FILIP1: variants seen among roughly 807,000 people sequenced by gnomAD.
FILIP1 encodes the protein filamin A interacting protein 1.
Under a neutral mutation model 102.1 loss-of-function variants are expected in FILIP1, and 61 were observed. That is an observed-to-expected ratio of 0.60 (90% CI 0.49 to 0.74). The LOEUF is 0.74. Among genes scored for constraint, FILIP1 ranks in the 30% least tolerant of loss-of-function variants. FILIP1 has a pLI of 0.00. For missense variants in FILIP1, 1,314 were observed against 1,441.2 expected (o/e 0.91, Z 1.43); for synonymous variants, 491 against 526.9 (o/e 0.93, Z 0.93).
chr6:75,427,903 T>C (rs906002472), intron 1 of FILIP1, among the ~76,000 whole-genome samples: 2 of 152,208 alleles, frequency 1.3e-5, no homozygotes, highest in African/African-American at 4.8e-5. Flanking sequence ...ACTGTAACTG[T>C]ATATTCCTCA....
At chr6:75,396,532 T>C (rs1349215730) in intron 2 of FILIP1, among the ~76,000 whole-genome samples, 1 of 152,122 alleles carries the variant, frequency 6.6e-6, no homozygotes. Flanking sequence ...AATTATACCC[T>C]TGTTAGTTGA....
At chr6:75,476,281 T>C (rs1779473960) in intron 1 of FILIP1, among the ~76,000 whole-genome samples, 2 of 151,582 alleles carry the variant, frequency 1.3e-5, no homozygotes, top group Admixed American at 1.3e-4. Flanking sequence ...ATCATCATAT[T>C]CAGGTGACAG....
intron 2 of FILIP1, 30 bp from the exon 3 acceptor site, chr6:75,362,947 G>A (rs771855466): frequency 1.1e-5 from 17 of 1,603,274 alleles, no homozygotes; most frequent in African/African-American, 8.0e-5. Flanking sequence ...AAGATCAGAC[G>A]ACTGACAATG....
At chr6:75,395,835 G>C (rs2808196) in intron 2 of FILIP1, among the ~76,000 whole-genome samples, 6,882 of 152,150 alleles carry the variant, frequency 0.045, 413 homozygotes, top group African/African-American at 0.13. Flanking sequence ...CTGAGTCCTT[G>C]ATGAAATATG....
At position 75,314,806 on chromosome 6, in the gene FILIP1, G is replaced by A. The variant is rs780573829; in HGVS notation, c.1026C>T (p.Ile342=). Residue 342 remains isoleucine, a synonymous_variant, in exon 5 of 6, where the codon ATC becomes ATT. Coordinates refer to ENST00000237172, the MANE Select transcript of FILIP1 (RefSeq NM_015687.5). The part of the protein sequence containing the change: ...RLKLVGLTQR[I]EELEETNKNL... Reference sequence around the variant, plus strand: ...TTTTGTTGGTCTCTTCTAGCTCCTCGATTCTTTGGGTTAAGCCAACCAGCT... The same window carrying A: ...TTTTGTTGGTCTCTTCTAGCTCCTCAATTCTTTGGGTTAAGCCAACCAGCT... 1.3e-5 allele frequency: 21 copies of A among 1,613,766 alleles called. No homozygotes were observed. The highest frequency in any genetic ancestry group is 9.4e-5 in the African/African-American group (7 of 74,860).
intron 4 of FILIP1, among the ~76,000 whole-genome samples, chr6:75,321,585 G>C (rs1185163294): frequency 6.6e-6 from 1 of 152,226 alleles, no homozygotes; most frequent in Non-Finnish European, 1.5e-5. Flanking sequence ...ATGAGGTCAG[G>C]AGATCGAGAC....
At chr6:75,387,641 G>C (rs1776143898) in intron 2 of FILIP1, among the ~76,000 whole-genome samples, 1 of 152,198 alleles carries the variant, frequency 6.6e-6, no homozygotes. Context: ...CTAATGACCA[G>C]TGATGATGAG....
intron 2 of FILIP1, among the ~76,000 whole-genome samples, chr6:75,413,320 C>T (rs1271927351): frequency 6.6e-6 from 1 of 152,138 alleles, no homozygotes; most frequent in Non-Finnish European, 1.5e-5. Flanking sequence ...AATTCTGCCT[C>T]TGTACACAAC....
At chr6:75,405,445 A>C (rs1776808129) in intron 2 of FILIP1, among the ~76,000 whole-genome samples, 1 of 152,086 alleles carries the variant, frequency 6.6e-6, no homozygotes, top group African/African-American at 2.4e-5. Flanking sequence ...TATTACCAAA[A>C]AAGAAAAAAG....
intron 2 of FILIP1, among the ~76,000 whole-genome samples, chr6:75,365,579 G>T (rs1006990492): frequency 6.6e-6 from 1 of 152,192 alleles, no homozygotes; most frequent in African/African-American, 2.4e-5. Context: ...TAGAGACAGG[G>T]TTTCGCCATG....
rs1349349617 is a variant in FILIP1, at chr6:75,430,474, GA to G, written c.-6-15497del. The stretch of plus-strand genomic sequence containing the variant: ...GTATTATAAATCATATCAAAAAACA[GA>G]AAAAAATAACAAAATGAAGTAATTA... On this transcript the variant is annotated intron_variant, in intron 1 of 5. Coordinates refer to ENST00000237172, the MANE Select transcript of FILIP1 (RefSeq NM_015687.5). Among the ~76,000 whole-genome samples the G allele has an allele frequency of 4.6e-5, 7 of 151,588 alleles. No homozygotes were observed. In the East Asian group the frequency reaches 1.2e-3, roughly 25 times the overall value.
At chr6:75,300,154 A>AG (rs2149533598) in intron 6 of FILIP1, among the ~76,000 whole-genome samples, 1 of 152,322 alleles carries the variant, frequency 6.6e-6, no homozygotes, top group South Asian at 2.1e-4. Context: ...CTAGCAAATA[A>AG]GGCCACATCA....
At chr6:75,382,629 G>A (rs192620265) in intron 2 of FILIP1, among the ~76,000 whole-genome samples, 68 of 152,306 alleles carry the variant, frequency 4.5e-4, no homozygotes, top group African/African-American at 1.6e-3. Context: ...TTTTTGTTCA[G>A]TGATATCAAG....
chr6:75,386,021 A>T (rs531791570), intron 2 of FILIP1: 3 of 152,304 alleles, frequency 2.0e-5, no homozygotes, highest in African/African-American at 7.2e-5. Flanking sequence ...GGAAAGTTTC[A>T]GGGAAAGAAC....
At chr6:75,402,966 T>C (rs1049551818) in intron 2 of FILIP1, among the ~76,000 whole-genome samples, 1 of 152,166 alleles carries the variant, frequency 6.6e-6, no homozygotes, top group African/African-American at 2.4e-5. Flanking sequence ...AGAGTAACAA[T>C]GATATGCCTA....
intron 2 of FILIP1, among the ~76,000 whole-genome samples, chr6:75,365,039 T>C (rs1775282429): frequency 2.0e-5 from 3 of 152,206 alleles, no homozygotes; most frequent in Non-Finnish European, 4.4e-5. Flanking sequence ...ATGGCGATGA[T>C]AGAAGGTTGG....
At chr6:75,442,490 G>T (rs530321645) in intron 1 of FILIP1, among the ~76,000 whole-genome samples, 26 of 152,164 alleles carry the variant, frequency 1.7e-4, no homozygotes, top group Admixed American at 1.6e-3. Context: ...ACCAGACTCC[G>T]TCTGCAATCC....
At chr6:75,372,621 A>G (rs796241201) in intron 2 of FILIP1, among the ~76,000 whole-genome samples, 6 of 42,230 alleles carry the variant, frequency 1.4e-4, no homozygotes, top group Admixed American at 3.6e-4. Context: ...GAAAGAAAGA[A>G]AAAGAAAGAA....
chr6:75,468,286 T>C (rs967799112), intron 1 of FILIP1, among the ~76,000 whole-genome samples: 1 of 152,094 alleles, frequency 6.6e-6, no homozygotes, highest in Non-Finnish European at 1.5e-5. Context: ...AGCGTTGGAG[T>C]AAGGCCAATA....
Sources: allele counts gnomAD v4.1 joint callset (sites outside exome capture counted in the v4.1 genomes callset), GRCh38; gene constraint gnomAD v4.1.1; transcripts MANE v1.5; gene names NCBI Gene and HGNC (gene_info 2026-07-23, HGNC 2026-07-21).